TG: variants seen among roughly 807,000 people sequenced by gnomAD.
TG encodes thyroid hormones.
Under a neutral mutation model 324.7 loss-of-function variants are expected in TG, and 270 were observed. The ratio of observed to expected loss-of-function variants is 0.83; its 90% CI spans 0.75 to 0.92. The LOEUF (loss-of-function observed/expected upper bound fraction) is 0.92, where lower values mean the gene tolerates loss of function less well. Ranked by LOEUF, TG falls within the 40% of genes least tolerant of loss-of-function variation. The pLI, the probability that TG is intolerant of heterozygous loss-of-function variation, is 0.00. For synonymous variants in TG, 1,401 were observed against 1,327.0 expected, an observed-to-expected ratio of 1.06 and a Z score of -1.21; for missense variants, 3,591 against 3,456.4, an observed-to-expected ratio of 1.04 and a Z score of -0.98.
rs758257644 is a variant in TG, at chr8:133,011,978, C to T, written c.6340C>T (p.His2114Tyr). The change falls in exon 36 of 48, where the codon CAT becomes TAT. Residue 2114 changes from histidine to tyrosine, a missense_variant. Physicochemically the swap from His to Tyr is moderately conservative, Grantham distance 83 (BLOSUM62 2). Transcript: ENST00000220616. ...DPSIRHFDVAHVSTAATSNFS... is the reference protein window; with the variant it reads ...DPSIRHFDVAYVSTAATSNFS... Reference sequence around the variant, plus strand: ...ATCCATTAGGCACTTTGATGTTGCCCATGTCAGCACTGCTGCCACCAGCAA... The same window carrying T: ...ATCCATTAGGCACTTTGATGTTGCCTATGTCAGCACTGCTGCCACCAGCAA... The T allele has an allele frequency of 5.0e-6, 8 of 1,614,098 alleles. No homozygotes were observed. In the East Asian group the frequency reaches 1.6e-4, roughly 31 times the overall value.
At chr8:132,908,433 G>GTTT in intron 18 of TG, 93 bp downstream of exon 18, 2 of 304,622 alleles carry the variant, frequency 6.6e-6, no homozygotes, top group Non-Finnish European at 5.7e-6. Context: ...CACAGAGGCT[G>GTTT]GAGACAGGGG....
At chr8:133,029,355 C>A (rs1276281267) in intron 40 of TG, among the ~76,000 whole-genome samples, 1 of 152,058 alleles carries the variant, frequency 6.6e-6, no homozygotes, top group Non-Finnish European at 1.5e-5. Context: ...AGGGTGGGAT[C>A]CAGAGCTCCA....
intron 44 of TG, 25 bp from the exon 45 acceptor site, chr8:133,116,584 T>TC (rs1850712767): frequency 3.1e-6 from 5 of 1,599,228 alleles, no homozygotes; most frequent in Non-Finnish European, 4.3e-6. Context: ...TTAACCAGAC[T>TC]CCCCCCATGT....
intron 41 of TG, among the ~76,000 whole-genome samples, chr8:133,067,750 C>A (rs1468936771): frequency 1.3e-5 from 2 of 150,750 alleles, no homozygotes; most frequent in African/African-American, 4.9e-5. Flanking sequence ...CACATTCCAG[C>A]CTGAGTGACA....
intron 40 of TG, among the ~76,000 whole-genome samples, chr8:133,023,685 A>G (rs937774284): frequency 3.9e-5 from 6 of 152,188 alleles, no homozygotes; most frequent in African/African-American, 9.7e-5. Flanking sequence ...ACTCGCCCCA[A>G]GGAGCCTGGG....
intron 41 of TG, among the ~76,000 whole-genome samples, chr8:133,081,696 CCCACTGCCT>C (rs1229498594): frequency 6.6e-6 from 1 of 151,000 alleles, no homozygotes; most frequent in Non-Finnish European, 1.5e-5. Flanking sequence ...TCAACCTAGA[CCCACTGCCT>C]CCACATCGGG....
In TG at chr8:133,119,283, G is replaced by T. The variant is rs549966845; in HGVS notation, c.7862+2567G>T. On this transcript the variant is annotated intron_variant, in intron 45 of 47. Coordinates refer to ENST00000220616, the MANE Select transcript of TG (RefSeq NM_003235.5). ...ACAGACTCTTCTGTTTTTATAGCAC[G>T]CCACAAAAAAATGTCCAGAATCCTT... Among the ~76,000 whole-genome samples the T allele has an allele frequency of 4.3e-4, 66 of 152,130 alleles. No individual in the cohort carries two copies. The South Asian group carries it at 0.013, about 30-fold the overall frequency.
chr8:132,976,218 A>G (rs1181613649), intron 34 of TG, among the ~76,000 whole-genome samples: 1 of 152,210 alleles, frequency 6.6e-6, no homozygotes, highest in Non-Finnish European at 1.5e-5. Context: ...TTTATAATAA[A>G]CAGAAATGTA....
intron 41 of TG, among the ~76,000 whole-genome samples, chr8:133,066,864 C>G (rs1473032065): frequency 6.6e-6 from 1 of 152,170 alleles, no homozygotes; most frequent in African/African-American, 2.4e-5. Context: ...AGCTAGATCC[C>G]GTGCAGGGGC....
intron 34 of TG, among the ~76,000 whole-genome samples, chr8:132,978,210 T>A (rs1256661578): frequency 6.6e-6 from 1 of 152,194 alleles, no homozygotes; most frequent in Admixed American, 6.5e-5. Context: ...ACCTGTCACA[T>A]GATGACAGTG....
intron 35 of TG, among the ~76,000 whole-genome samples, chr8:133,000,780 G>A (rs1307754408): frequency 6.6e-6 from 1 of 152,232 alleles, no homozygotes; most frequent in African/African-American, 2.4e-5. Context: ...CTGGGGCAGA[G>A]CAGGCCCTCT....
intron 1 of TG, among the ~76,000 whole-genome samples, chr8:132,867,696 G>A (rs1839085684): frequency 6.6e-6 from 1 of 151,436 alleles, no homozygotes; most frequent in African/African-American, 2.4e-5. Flanking sequence ...TGTTACATCT[G>A]CAGGGCATGG....
At chr8:133,060,210 A>G in intron 41 of TG, 2 of 1,613,428 alleles carry the variant, frequency 1.2e-6, no homozygotes, top group South Asian at 2.2e-5. Context: ...CCTGTGGTAT[A>G]GGAGACAGAC....
chr8:132,909,820 A>G (rs1819247768), intron 18 of TG, among the ~76,000 whole-genome samples: 1 of 152,182 alleles, frequency 6.6e-6, no homozygotes, highest in Admixed American at 6.5e-5. Context: ...GCTGAGAGCT[A>G]AGGAGGTTCT....
At chr8:132,983,218 C>T (rs1831109649) in intron 34 of TG, 132 bp from the exon 35 acceptor site, 5 of 919,972 alleles carry the variant, frequency 5.4e-6, no homozygotes, top group South Asian at 5.2e-5. Flanking sequence ...CTGACCGATA[C>T]AGGTTGGGAC....
chr8:133,134,303 G>A (rs562454293), intron 47 of TG, among the ~76,000 whole-genome samples: 2 of 152,272 alleles, frequency 1.3e-5, no homozygotes, highest in East Asian at 3.9e-4. Context: ...CTCTAGGAAG[G>A]GTCCCCAGGA....
At chr8:133,122,070 G>A (rs891212784) in intron 45 of TG, among the ~76,000 whole-genome samples, 5 of 151,730 alleles carry the variant, frequency 3.3e-5, no homozygotes, top group Admixed American at 1.3e-4. Context: ...CATCTGTCTC[G>A]TACCTCCATT....
chr8:132,979,298 C>A (rs1439826961), intron 34 of TG, among the ~76,000 whole-genome samples: 1 of 152,194 alleles, frequency 6.6e-6, no homozygotes, highest in African/African-American at 2.4e-5. Flanking sequence ...GCATTGTCTG[C>A]AAGTGGGGCA....
intron 23 of TG, among the ~76,000 whole-genome samples, chr8:132,929,454 A>G (rs749178689): frequency 9.9e-5 from 15 of 152,156 alleles, no homozygotes; most frequent in African/African-American, 1.4e-4. Context: ...GCATAGATCT[A>G]TGTGTCCAGG....
Sources: gnomAD v4.1 joint callset for allele counts (sites outside exome capture counted in the v4.1 genomes callset) on GRCh38, gnomAD v4.1.1 for gene constraint, MANE v1.5 for transcripts, NCBI Gene and HGNC (gene_info 2026-07-23, HGNC 2026-07-21) for gene names.